The following NDUFS1 variants were observed in gnomAD, a reference collection of about 807,000 sequenced individuals.
NDUFS1 encodes NADH:ubiquinone oxidoreductase core subunit S1.
A neutral mutation model predicts 84.4 loss-of-function variants in NDUFS1; 61 were observed. The ratio of observed to expected loss-of-function variants is 0.72; its 90% CI spans 0.59 to 0.89. The LOEUF (loss-of-function observed/expected upper bound fraction) is 0.89, where lower values mean the gene tolerates loss of function less well. Ranked by LOEUF, NDUFS1 falls within the 40% of genes least tolerant of loss-of-function variation. NDUFS1 has a pLI of 0.00. For missense variants in NDUFS1, 891 were observed against 890.0 expected, an observed-to-expected ratio of 1.00 and a Z score of -0.01; for synonymous variants, 275 against 290.0, an observed-to-expected ratio of 0.95 and a Z score of 0.53.
chr2:206,152,333 T>G (rs1387862451), intron 3 of NDUFS1, 86 bp downstream of exon 3: 9 of 972,256 alleles, frequency 9.3e-6, no homozygotes, highest in Non-Finnish European at 1.5e-5. Context: ...AAAGAATTAT[T>G]TACTAATAAT....
intron 9 of NDUFS1, 36 bp downstream of exon 9, chr2:206,144,856 A>C: frequency 6.3e-7 from 1 of 1,599,960 alleles, no homozygotes; most frequent in Non-Finnish European, 8.5e-7. Flanking sequence ...CCTTTAAATA[A>C]ACTGTAAAAG....
chr2:206,142,170 C>T, intron 11 of NDUFS1, 101 bp from the exon 12 acceptor site: 1 of 1,019,238 alleles, frequency 9.8e-7, no homozygotes, highest in Middle Eastern at 2.3e-4. Flanking sequence ...CCTTCTCAAA[C>T]AAAAAATTTT....
chr2:206,138,106 G>C (rs890050936), intron 13 of NDUFS1, among the ~76,000 whole-genome samples: 15 of 151,984 alleles, frequency 9.9e-5, no homozygotes, highest in African/African-American at 3.4e-4. Context: ...TTTTTTTGGG[G>C]GTGGGACAGA....
intron 12 of NDUFS1, among the ~76,000 whole-genome samples, chr2:206,139,622 G>C (rs993855226): frequency 6.6e-6 from 1 of 151,866 alleles, no homozygotes; most frequent in East Asian, 1.9e-4. Context: ...CCATGTTATT[G>C]ACATTTATTC....
chr2:206,140,969 A>C (rs1355001715), intron 12 of NDUFS1, among the ~76,000 whole-genome samples: 1 of 106,194 alleles, frequency 9.4e-6, no homozygotes, highest in Non-Finnish European at 2.0e-5. Flanking sequence ...ATCATAATAC[A>C]AATATGGCAA....
At chr2:206,144,750 TATCAC>T in intron 9 of NDUFS1, 137 bp downstream of exon 9, 1 of 801,552 alleles carries the variant, frequency 1.2e-6, no homozygotes, top group Non-Finnish European at 2.0e-6. Context: ...AAGTCAGTAT[TATCAC>T]ATTATATAAG....
rs1457097606 is a variant in NDUFS1, at chr2:206,137,048, C to T, written c.1392+1437G>A. Among the ~76,000 whole-genome samples the T allele has an allele frequency of 5.3e-5, 8 of 152,066 alleles. No individual in the cohort carries two copies. The South Asian group carries it at 6.2e-4, about 12-fold the overall frequency. ...GATTACAGATGTGAGCCACCATGCC[C>T]GGCCAACTCCTTAGTTTTTTAATCA... On this transcript the variant is annotated intron_variant, in intron 13 of 18. Coordinates refer to ENST00000233190, the MANE Select transcript of NDUFS1 (RefSeq NM_005006.7).
intron 13 of NDUFS1, among the ~76,000 whole-genome samples, chr2:206,136,225 T>C (rs1691707003): frequency 6.6e-6 from 1 of 151,306 alleles, no homozygotes; most frequent in African/African-American, 2.4e-5. Context: ...TTGTATTTTT[T>C]TTTTTTTAAG....
intron 9 of NDUFS1, among the ~76,000 whole-genome samples, 188 bp downstream of exon 9, chr2:206,144,704 T>A (rs1181024865): frequency 6.6e-6 from 1 of 152,174 alleles, no homozygotes; most frequent in Admixed American, 6.6e-5. Flanking sequence ...TTTCTCAAAG[T>A]AAATACAATA....
rs959768334 is a variant in NDUFS1, at chr2:206,116,476, C to G, written c.*7709G>C. 4 of 1,197,450 alleles carry G rather than the reference C, an allele frequency of 3.3e-6. No homozygotes were observed. Among genetic ancestry groups the G allele is most frequent in the South Asian group, 1.3e-5 (1 of 76,902 alleles). 74.2% of individuals were successfully genotyped at this position (1,197,450 alleles called of 1,614,324 possible). A position where few individuals can be genotyped will look rare whatever the true frequency, so the allele number is the denominator to read the frequency against. On this transcript the variant is annotated 3_prime_UTR_variant, in exon 19 of 19. Coordinates refer to ENST00000233190, the MANE Select transcript of NDUFS1 (RefSeq NM_005006.7). ...TGCAGGCTGCAGAGCACGGCCCGCACGCTCCGCACCACTCGCAGCGCCATG... is the reference window on the plus strand; with the variant it reads ...TGCAGGCTGCAGAGCACGGCCCGCAGGCTCCGCACCACTCGCAGCGCCATG...
At chr2:206,158,056 C>T (rs980508459) in intron 1 of NDUFS1, among the ~76,000 whole-genome samples, 85 of 151,038 alleles carry the variant, frequency 5.6e-4, no homozygotes, top group African/African-American at 2.0e-3. Flanking sequence ...CCCCGCCACC[C>T]GGGTTCACGC....
Position 206,116,514 on chromosome 2 carries a change from C to G in NDUFS1, c.*7671G>C, listed in dbSNP as rs987754007. 5.1e-6 allele frequency: 6 copies of G among 1,172,738 alleles called. No homozygotes were observed. In the African/African-American group the frequency reaches 9.1e-5, roughly 18 times the overall value. 72.6% of individuals were successfully genotyped at this position (1,172,738 alleles called of 1,614,324 possible). A position where few individuals can be genotyped will look rare whatever the true frequency, so the allele number is the denominator to read the frequency against. ...TCGCAGCGCCATGTTCCCAGGGGTGCGGGGATGGCAGCGCTACGCCTCAGC... is the reference window on the plus strand; with the variant it reads ...TCGCAGCGCCATGTTCCCAGGGGTGGGGGGATGGCAGCGCTACGCCTCAGC... On this transcript the variant is annotated 3_prime_UTR_variant, in exon 19 of 19. Transcript: ENST00000233190.
chr2:206,128,755 T>C (rs530252916), intron 15 of NDUFS1, among the ~76,000 whole-genome samples: 1 of 151,736 alleles, frequency 6.6e-6, no homozygotes, highest in African/African-American at 2.4e-5. Context: ...CACTCCAGCC[T>C]GGGTGACAGA....
chr2:206,147,492 A>G (rs753043142), intron 7 of NDUFS1, 39 bp downstream of exon 7: 3 of 1,570,424 alleles, frequency 1.9e-6, no homozygotes, highest in East Asian at 2.4e-5. Context: ...TAAGTATACA[A>G]TTATATTCTA....
chr2:206,143,972 T>C (rs1246703488), intron 10 of NDUFS1, 46 bp downstream of exon 10: 10 of 1,473,448 alleles, frequency 6.8e-6, no homozygotes, highest in African/African-American at 1.4e-5. Context: ...AAGATGTTTC[T>C]TGATAATCAC....
At chr2:206,132,453 C>T (rs1353649735) in intron 14 of NDUFS1, among the ~76,000 whole-genome samples, 1 of 151,962 alleles carries the variant, frequency 6.6e-6, no homozygotes, top group South Asian at 2.1e-4. Flanking sequence ...ATGTGGCATG[C>T]GCCTGTAGCT....
intron 13 of NDUFS1, among the ~76,000 whole-genome samples, chr2:206,136,980 C>T (rs1027525024): frequency 1.7e-4 from 25 of 143,942 alleles, no homozygotes; most frequent in Non-Finnish European, 2.8e-4. Context: ...CTCAAACTCC[C>T]GACCTCAGGT....
intron 11 of NDUFS1, 73 bp downstream of exon 11, chr2:206,142,613 T>C (rs1388831158): frequency 6.4e-7 from 1 of 1,570,352 alleles, no homozygotes; most frequent in African/African-American, 1.4e-5. Flanking sequence ...AGAATCCAGG[T>C]TGTCACATTT....
rs71034411 is a variant in NDUFS1, at chr2:206,152,703, CT to C, written c.62-194del. 0.43 allele frequency among the ~76,000 whole-genome samples: 51,943 copies of C among 121,162 alleles called. 10,054 individuals carry two copies. The highest frequency in any genetic ancestry group is 0.54 in the African/African-American group (16,747 of 30,972). 79.5% of individuals were successfully genotyped at this position (121,162 alleles called of 152,430 possible). ...TTTAAACTGAAACTTCTTTCTTCTTCTTTTTTTTTTTTTTTTTTTGAGAGGG... is the reference window on the plus strand; with the variant it reads ...TTTAAACTGAAACTTCTTTCTTCTTCTTTTTTTTTTTTTTTTTTGAGAGGG... On this transcript the variant is annotated intron_variant, in intron 2 of 18. Transcript: ENST00000233190.
Sources: gnomAD v4.1 joint callset for allele counts (sites outside exome capture counted in the v4.1 genomes callset) on GRCh38, gnomAD v4.1.1 for gene constraint, MANE v1.5 for transcripts, NCBI Gene and HGNC (gene_info 2026-07-23, HGNC 2026-07-21) for gene names.